AKR1B15: variants seen among roughly 807,000 people sequenced by gnomAD.
AKR1B15 encodes estradiol 17-beta-dehydrogenase AKR1B15.
Under a neutral mutation model 38.5 loss-of-function variants are expected in AKR1B15, and 49 were observed. The observed-to-expected ratio is 1.27, with a 90% CI of 1.01 to 1.62. The LOEUF (loss-of-function observed/expected upper bound fraction) is 1.62. Among genes scored for constraint, AKR1B15 ranks in the 40% most tolerant of loss-of-function variants. The pLI, the probability that AKR1B15 is intolerant of heterozygous loss-of-function variation, is 0.00. For synonymous variants in AKR1B15, 137 were observed against 135.5 expected, an observed-to-expected ratio of 1.01 and a Z score of -0.08; for missense variants, 411 against 381.6, an observed-to-expected ratio of 1.08 and a Z score of -0.64.
In AKR1B15 at chr7:134,549,450, G is replaced by C. The variant is rs775505017; in HGVS notation, c.-147+201G>C. Among the ~76,000 whole-genome samples, 86 of 152,178 alleles carry C rather than the reference G, an allele frequency of 5.7e-4. 1 individual carries two copies. The highest frequency in any genetic ancestry group is 3.4e-3 in the Middle Eastern group (1 of 294). On this transcript the variant is annotated intron_variant, in intron 1 of 11. Coordinates refer to ENST00000457545, the MANE Select transcript of AKR1B15 (RefSeq NM_001080538.3). ...TCCGGGAGATCTCTGTTTTAGAATG[G>C]GTATAAAAATTGTAATAAACTCTGA... is the stretch of plus-strand genomic sequence containing the variant.
intron 6 of AKR1B15, among the ~76,000 whole-genome samples, chr7:134,574,188 C>T (rs1794717369): frequency 6.6e-6 from 1 of 152,190 alleles, no homozygotes; most frequent in Non-Finnish European, 1.5e-5. Flanking sequence ...CCACTGCATC[C>T]AGCCAGTACC....
intron 2 of AKR1B15, among the ~76,000 whole-genome samples, chr7:134,561,395 C>G (rs1794386371): frequency 6.6e-6 from 1 of 152,172 alleles, no homozygotes; most frequent in Non-Finnish European, 1.5e-5. Context: ...TTAGCAGACA[C>G]AGGGTTTCAC....
intron 1 of AKR1B15, among the ~76,000 whole-genome samples, chr7:134,550,451 G>A (rs141925697): frequency 7.9e-4 from 121 of 152,252 alleles, no homozygotes; most frequent in African/African-American, 2.8e-3. Flanking sequence ...AGTTATTTGG[G>A]ATATAAGTCA....
chr7:134,571,518 G>A (rs1794666011), intron 5 of AKR1B15, 86 bp from the exon 6 acceptor site: 2 of 984,070 alleles, frequency 2.0e-6, no homozygotes, highest in African/African-American at 1.6e-5. Flanking sequence ...GTGGTATTTA[G>A]CAAGCATCAG....
chr7:134,576,289 G>T lies in AKR1B15; in HGVS notation c.744-60G>T. 2.6e-6 allele frequency: 4 copies of T among 1,539,854 alleles called. No individual in the cohort carries two copies. The South Asian group carries it at 4.5e-5, about 17-fold the overall frequency. ...CAGTCTTGAGACCCTCATTGGAGTG[G>T]TGTCCTTCTGTACACGGTAGCCATG... On this transcript the variant is annotated intron_variant, in intron 8 of 11. Transcript: ENST00000457545.
chr7:134,552,292 C>T (rs911982646), intron 1 of AKR1B15, among the ~76,000 whole-genome samples: 4 of 152,228 alleles, frequency 2.6e-5, no homozygotes, highest in East Asian at 1.9e-4. Context: ...AACCACCCTT[C>T]GGTCAGAGGA....
At chr7:134,564,438 A>G (rs534880679) in intron 2 of AKR1B15, among the ~76,000 whole-genome samples, 160 bp from the exon 3 acceptor site, 3 of 152,234 alleles carry the variant, frequency 2.0e-5, no homozygotes, top group South Asian at 4.1e-4. Context: ...TTACAGGAAA[A>G]GGCTTCTGAA....
At chr7:134,579,024 T>G (rs1015608619) in intron 11 of AKR1B15, among the ~76,000 whole-genome samples, 1 of 152,234 alleles carries the variant, frequency 6.6e-6, no homozygotes, top group Non-Finnish European at 1.5e-5. Flanking sequence ...GGCAAATTTC[T>G]TAGTTTTTCT....
chr7:134,568,596 C>CAGA (rs1350402398), intron 4 of AKR1B15, among the ~76,000 whole-genome samples: 2 of 152,186 alleles, frequency 1.3e-5, no homozygotes, highest in Non-Finnish European at 2.9e-5. Context: ...AGGGATCTAC[C>CAGA]ATCTGCCCAG....
intron 9 of AKR1B15, 132 bp from the exon 10 acceptor site, chr7:134,576,831 G>A: frequency 1.2e-6 from 1 of 838,394 alleles, no homozygotes; most frequent in South Asian, 1.5e-5. Flanking sequence ...TCTAATAGCT[G>A]TGAAGGGCTC....
intron 5 of AKR1B15, among the ~76,000 whole-genome samples, chr7:134,570,738 T>A (rs577995532): frequency 4.0e-4 from 61 of 152,252 alleles, no homozygotes; most frequent in Non-Finnish European, 7.5e-4. Context: ...TAATTGGGAA[T>A]GGCAGGTGGT....
chr7:134,565,679 G>A, intron 3 of AKR1B15: 3 of 1,475,298 alleles, frequency 2.0e-6, no homozygotes, highest in Non-Finnish European at 2.7e-6. Context: ...CTGGAGCTGG[G>A]ACTCGGGTTG....
In AKR1B15 at chr7:134,576,345, C is replaced by G. The variant is rs2161803; in HGVS notation, c.744-4C>G. 0.42 allele frequency: 685,585 copies of G among 1,613,236 alleles called. 147,946 individuals are homozygous for G. Among genetic ancestry groups the G allele is most frequent in the African/African-American group, 0.59 (44,114 of 74,942 alleles). ...TATTCACATCAGCATCTTTCTGCCC[C>G]TAGGGCCAAACCTGAGGACCCTTCC... On this transcript the variant is annotated splice_region_variant and splice_polypyrimidine_tract_variant and intron_variant, in intron 8 of 11. Transcript: ENST00000457545.
Position 134,552,726 on chromosome 7 carries a change from T to C in AKR1B15, c.-147+3477T>C, listed in dbSNP as rs998646003. Among the ~76,000 whole-genome samples, 6 of 152,232 alleles carry C rather than the reference T, an allele frequency of 3.9e-5. No homozygotes were observed. In the South Asian group the frequency reaches 1.0e-3, roughly 26 times the overall value. ...ACATATGGTGTACACTGTCCTTGAC[T>C]TCAAGGATGCTTTTTTTTGCTATTC... On this transcript the variant is annotated intron_variant, in intron 1 of 11. Transcript: ENST00000457545.
At chr7:134,558,349 A>G (rs74508510) in intron 2 of AKR1B15, among the ~76,000 whole-genome samples, 159 of 152,348 alleles carry the variant, frequency 1.0e-3, no homozygotes, top group African/African-American at 3.5e-3. Flanking sequence ...AGACCATTTT[A>G]CCCACTGGGT....
At chr7:134,573,484 G>C in intron 6 of AKR1B15, 1 of 985,418 alleles carries the variant, frequency 1.0e-6, no homozygotes, top group Middle Eastern at 5.2e-4. Context: ...GGCATGAAAA[G>C]ATATCATTGA....
intron 2 of AKR1B15, among the ~76,000 whole-genome samples, chr7:134,558,526 G>A (rs1316933446): frequency 6.6e-6 from 1 of 152,122 alleles, no homozygotes; most frequent in Non-Finnish European, 1.5e-5. Context: ...TATACATTGG[G>A]AATACCATAC....
intron 2 of AKR1B15, among the ~76,000 whole-genome samples, chr7:134,560,626 C>G (rs1794358862): frequency 6.6e-6 from 1 of 152,172 alleles, no homozygotes; most frequent in South Asian, 2.1e-4. Flanking sequence ...ATACACATTT[C>G]TTTATTCTGT....
Position 134,568,300 on chromosome 7 carries a change from G to C in AKR1B15, c.293G>C (p.Arg98Pro). 6.2e-7 allele frequency: 1 copy of C among 1,614,088 alleles called. No homozygotes were observed. The highest frequency in any genetic ancestry group is 8.5e-7 in the Non-Finnish European group (1 of 1,179,974). ...QEKIQEKAVMREDLFIVSKVW... is the reference protein window; with the variant it reads ...QEKIQEKAVMPEDLFIVSKVW... The stretch of plus-strand genomic sequence containing the variant: ...AAGATCCAAGAGAAGGCTGTGATGC[G>C]GGAGGACCTGTTCATCGTCAGCAAG... The change falls in exon 4 of 12, where the codon CGG becomes CCG. Residue 98 changes from arginine (R) to proline (P), a missense_variant. Coordinates refer to ENST00000457545, the MANE Select transcript of AKR1B15 (RefSeq NM_001080538.3).
Sources: allele counts gnomAD v4.1 joint callset (sites outside exome capture counted in the v4.1 genomes callset), GRCh38; gene constraint gnomAD v4.1.1; transcripts MANE v1.5; gene names NCBI Gene and HGNC (gene_info 2026-07-23, HGNC 2026-07-21).